The following DCAF1 variants were observed in gnomAD, a reference collection of about 807,000 sequenced individuals.
The protein encoded by DCAF1 is DDB1- and CUL4-associated factor 1.
A neutral mutation model predicts 128.0 loss-of-function variants in DCAF1; 15 were observed. That is an observed-to-expected ratio of 0.12 (90% CI 0.08 to 0.18). DCAF1 has a LOEUF of 0.18. Ranked by LOEUF, DCAF1 falls within the 10% of genes least tolerant of loss-of-function variation. The pLI, the probability that DCAF1 is intolerant of heterozygous loss-of-function variation, is 1.00. For synonymous variants in DCAF1, 610 were observed against 603.0 expected (o/e 1.01, Z -0.17); for missense variants, 988 against 1,649.5 (o/e 0.60, Z 6.95).
chr3:51,470,992 T>C lies in DCAF1; in HGVS notation c.124A>G (p.Ile42Val), dbSNP rs1553648207. The C allele has an allele frequency of 6.2e-7, 1 of 1,607,292 alleles. No homozygotes were observed. Among genetic ancestry groups the C allele is most frequent in the Non-Finnish European group, 8.5e-7 (1 of 1,175,728 alleles). The change falls in exon 4 of 25, where the codon ATT (isoleucine) becomes GTT (valine). Residue 42 changes from isoleucine to valine, a missense_variant. By Grantham distance (29) the Ile-to-Val change is conservative (BLOSUM62 3). This residue lies in a region of DCAF1 where 48 missense variants were observed against 52.6 expected (regional missense o/e 0.91). Transcript: ENST00000684031. ...CGATACTCTTCAGTTTCTTTTTCAATCAATTGAGACATCCTAGCACAAAGG... is the reference window on the plus strand; with the variant it reads ...CGATACTCTTCAGTTTCTTTTTCAACCAATTGAGACATCCTAGCACAAAGG... ...VPILTRMSQLIEKETEEYRKG... is the reference protein window; with the variant it reads ...VPILTRMSQLVEKETEEYRKG...
chr3:51,437,388 T>C (rs781853060), intron 9 of DCAF1: 1 of 345,168 alleles, frequency 2.9e-6, no homozygotes, highest in Non-Finnish European at 5.4e-6. Context: ...ATAAGCAAGA[T>C]CCCCACTTAT....
intron 10 of DCAF1, among the ~76,000 whole-genome samples, chr3:51,431,800 A>G (rs1553635655): frequency 6.6e-6 from 1 of 151,456 alleles, no homozygotes; most frequent in Admixed American, 6.6e-5. Flanking sequence ...AAAAGTACAA[A>G]AAAAAAAAAG....
At chr3:51,460,870 G>A (rs1280953070) in intron 6 of DCAF1, among the ~76,000 whole-genome samples, 5 of 150,328 alleles carry the variant, frequency 3.3e-5, no homozygotes, top group Admixed American at 2.0e-4. Flanking sequence ...GTAGAAAGCT[G>A]AAACTGGATC....
chr3:51,442,787 A>G (rs1056772115), intron 7 of DCAF1, among the ~76,000 whole-genome samples: 6 of 152,180 alleles, frequency 3.9e-5, no homozygotes, highest in African/African-American at 1.4e-4. Flanking sequence ...AGATAAAAGG[A>G]AGGGCACTTG....
chr3:51,481,381 C>T (rs1706176049), intron 3 of DCAF1, among the ~76,000 whole-genome samples: 1 of 152,106 alleles, frequency 6.6e-6, no homozygotes, highest in Non-Finnish European at 1.5e-5. Context: ...CTTAATGGGC[C>T]AGTCAAGACA....
At chr3:51,503,478 G>A (rs1385303294), upstream of DCAF1, among the ~76,000 whole-genome samples, 1 of 152,108 alleles carries the variant, frequency 6.6e-6, no homozygotes, top group Non-Finnish European at 1.5e-5. Context: ...TCACCCTGGT[G>A]CCACCCCACA....
chr3:51,418,172 A>G lies in DCAF1; in HGVS notation c.3462T>C (p.Ala1154=), dbSNP rs375448830. The change falls in exon 17 of 25, where the codon GCT becomes GCC. Residue 1154 remains alanine, a synonymous_variant. Coordinates refer to ENST00000684031, the MANE Select transcript of DCAF1 (RefSeq NM_001387579.1). ...GTGCAGACAAAGGCTGGCTCCAAGTAGCAGATGTCAGCAGCAAGGACCCAT... is the reference window on the plus strand; with the variant it reads ...GTGCAGACAAAGGCTGGCTCCAAGTGGCAGATGTCAGCAGCAAGGACCCAT... ...SRDGSLLLTS[A]TWSQPLSALW... is the part of the protein sequence containing the mutation. The G allele has an allele frequency of 6.2e-7, 1 of 1,612,180 alleles. No homozygotes were observed. The highest frequency in any genetic ancestry group is 1.1e-5 in the South Asian group (1 of 90,426).
rs1449443279 is a variant in DCAF1, at chr3:51,411,142, CAA to C, written c.4212+1235_4212+1236del. On this transcript the variant is annotated intron_variant, in intron 23 of 24. Coordinates refer to ENST00000684031, the MANE Select transcript of DCAF1 (RefSeq NM_001387579.1). Reference sequence around the variant, plus strand: ...TGCCATTACACTCCAGCCTGGGTGACAAGAGCAGAACTCCATCTCAGAAAAAA... The same window carrying C: ...TGCCATTACACTCCAGCCTGGGTGACGAGCAGAACTCCATCTCAGAAAAAA... 1.4e-4 allele frequency among the ~76,000 whole-genome samples: 18 copies of C among 129,684 alleles called. No individual in the cohort carries two copies. The Admixed American group carries it at 1.7e-3, about 12-fold the overall frequency. The allele number at this position is 129,684 out of a possible 152,430, so 85.1% of individuals were successfully genotyped here. A position where few individuals can be genotyped will look rare whatever the true frequency, so the allele number is the denominator to read the frequency against.
At chr3:51,455,976 C>A (rs1013551418) in intron 6 of DCAF1, among the ~76,000 whole-genome samples, 1 of 152,074 alleles carries the variant, frequency 6.6e-6, no homozygotes. Context: ...GCTCCCAGTG[C>A]GAGCAACACA....
chr3:51,484,940 A>C (rs1553654673), intron 2 of DCAF1, among the ~76,000 whole-genome samples: 2 of 138,588 alleles, frequency 1.4e-5, no homozygotes, highest in Admixed American at 7.3e-5. Flanking sequence ...TTTGAGACAG[A>C]GTTTCACTCT....
At chr3:51,425,219 C>G (rs1325666301) in intron 13 of DCAF1, among the ~76,000 whole-genome samples, 2 of 151,910 alleles carry the variant, frequency 1.3e-5, no homozygotes, top group African/African-American at 4.8e-5. Flanking sequence ...GCCTATAATC[C>G]CAGCACATTG....
At chr3:51,485,372 A>G (rs1434446705) in intron 2 of DCAF1, among the ~76,000 whole-genome samples, 1 of 152,216 alleles carries the variant, frequency 6.6e-6, no homozygotes, top group Non-Finnish European at 1.5e-5. Flanking sequence ...GAGGCAGAGA[A>G]GGTTGGCTGG....
At chr3:51,468,977 G>A (rs1416641992) in intron 4 of DCAF1, among the ~76,000 whole-genome samples, 3 of 152,088 alleles carry the variant, frequency 2.0e-5, no homozygotes, top group Non-Finnish European at 4.4e-5. Flanking sequence ...TTCATGCTCT[G>A]ATTTGAGTTA....
At chr3:51,492,826 C>T (rs1324244908) in intron 2 of DCAF1, among the ~76,000 whole-genome samples, 1 of 151,646 alleles carries the variant, frequency 6.6e-6, no homozygotes, top group African/African-American at 2.4e-5. Context: ...AACCCCATCT[C>T]TACTAAAAAT....
chr3:51,445,674 A>G (rs1233285196), intron 6 of DCAF1, among the ~76,000 whole-genome samples: 2 of 152,182 alleles, frequency 1.3e-5, no homozygotes, highest in Non-Finnish European at 2.9e-5. Flanking sequence ...TCTAACATAC[A>G]AACCTAGGAA....
intron 17 of DCAF1, among the ~76,000 whole-genome samples, chr3:51,417,676 C>T (rs782458402): frequency 2.6e-5 from 4 of 151,176 alleles, no homozygotes; most frequent in African/African-American, 7.3e-5. Context: ...GCTGAGATCG[C>T]GCCACTGCAC....
intron 5 of DCAF1, 50 bp from the exon 6 acceptor site, chr3:51,463,277 A>T: frequency 8.1e-7 from 1 of 1,239,124 alleles, no homozygotes; most frequent in Non-Finnish European, 1.1e-6. Context: ...AACCCAGTCA[A>T]ATTAAGGACA....
chr3:51,406,646 A>T (rs924254953), intron 23 of DCAF1, among the ~76,000 whole-genome samples: 1 of 152,136 alleles, frequency 6.6e-6, no homozygotes. Flanking sequence ...AAATAGGTCA[A>T]CTGGCATAAG....
intron 14 of DCAF1, among the ~76,000 whole-genome samples, chr3:51,421,605 A>G (rs1333708534): frequency 6.6e-6 from 1 of 152,114 alleles, no homozygotes; most frequent in Admixed American, 6.5e-5. Flanking sequence ...GAACGGAGAA[A>G]GCCCTCGGTT....
Sources: gnomAD v4.1 joint callset for allele counts (sites outside exome capture counted in the v4.1 genomes callset) on GRCh38, gnomAD v4.1.1 for gene constraint, gnomAD v4.1.1 regional missense constraint, MANE v1.5 for transcripts, NCBI Gene and HGNC (gene_info 2026-07-23, HGNC 2026-07-21) for gene names.